Variants in PCDHGB2 observed in about 807,000 individuals in gnomAD.
PCDHGB2 encodes the protein protocadherin gamma-B2.
Under a neutral mutation model 59.3 loss-of-function variants are expected in PCDHGB2, and 55 were observed. The ratio of observed to expected loss-of-function variants is 0.93; its 90% CI spans 0.75 to 1.16. PCDHGB2 has a LOEUF of 1.16. Ranked by LOEUF, PCDHGB2 falls within the 50% of genes most tolerant of loss-of-function variation. The pLI is 0.00. For synonymous variants in PCDHGB2, 516 were observed against 512.0 expected (o/e 1.01, Z -0.11); for missense variants, 1,228 against 1,198.5 (o/e 1.02, Z -0.36).
rs774993961 is a variant in PCDHGB2, at chr5:141,365,445, A to C, written c.2421+2889A>C. The stretch of plus-strand genomic sequence containing the variant: ...ACTGTAATCGCGCTGTTTAGCGTAC[A>C]TGATGGTGATTCTGGAGAAAATGGT... On this transcript the variant is annotated intron_variant, in intron 1 of 3. Transcript: ENST00000522605. 1 of 1,613,936 alleles carries C rather than the reference A, an allele frequency of 6.2e-7. No individual in the cohort carries two copies. The highest frequency in any genetic ancestry group is 8.5e-7 in the Non-Finnish European group (1 of 1,179,910).
In PCDHGB2 at chr5:141,506,176, C is replaced by T. The variant is rs183157987; in HGVS notation, c.2569+695C>T. ...CCTTAAGAGCACAGCCTAAGCTGGG[C>T]GTGGTGGCTCACGCCTGTAATCCCA... is the stretch of plus-strand genomic sequence containing the variant. On this transcript the variant is annotated intron_variant, in intron 3 of 3. Coordinates refer to ENST00000522605, the MANE Select transcript of PCDHGB2 (RefSeq NM_018923.3). Among the ~76,000 whole-genome samples the T allele has an allele frequency of 3.0e-3, 454 of 152,234 alleles. 1 individual carries two copies. The highest frequency in any genetic ancestry group is 0.021 in the Admixed American group (317 of 15,296).
intron 1 of PCDHGB2, chr5:141,440,448 A>G (rs2098178859): frequency 6.6e-6 from 1 of 152,168 alleles, no homozygotes; most frequent in East Asian, 1.9e-4. Context: ...CGCCATCTCA[A>G]AAAAAATGAA....
intron 1 of PCDHGB2, among the ~76,000 whole-genome samples, chr5:141,442,910 C>G (rs1419319938): frequency 6.6e-6 from 1 of 152,196 alleles, no homozygotes; most frequent in African/African-American, 2.4e-5. Flanking sequence ...TCCTTCAGCA[C>G]ACAACTGTTT....
At chr5:141,394,407 G>A in intron 1 of PCDHGB2, 1 of 1,614,240 alleles carries the variant, frequency 6.2e-7, no homozygotes, top group Admixed American at 1.7e-5. Context: ...GCAGCTACTG[G>A]TAACAGCCAG....
At chr5:141,415,304 C>T (rs1468756434) in intron 1 of PCDHGB2, 2 of 1,614,188 alleles carry the variant, frequency 1.2e-6, no homozygotes, top group Non-Finnish European at 8.5e-7. Context: ...GTCTTCCTGG[C>T]CTTCGTCATC....
chr5:141,404,501 C>T, intron 1 of PCDHGB2: 2 of 1,613,792 alleles, frequency 1.2e-6, no homozygotes, highest in Non-Finnish European at 1.7e-6. Context: ...GCTGTATGCT[C>T]TGTGCTCCTT....
chr5:141,448,449 T>A (rs528049717), intron 1 of PCDHGB2, among the ~76,000 whole-genome samples: 1 of 152,166 alleles, frequency 6.6e-6, no homozygotes, highest in Non-Finnish European at 1.5e-5. Context: ...CTGACTTCCA[T>A]CCCTATCCTA....
chr5:141,511,028 T>C lies in PCDHGB2; in HGVS notation c.2651T>C (p.Leu884Pro). ...GCCCGCTACGGACCCCAGTTCACCC[T>C]GCAGCACGTGCCCGACTACCGCCAG... ...LSARYGPQFTLQHVPDYRQNV... is the reference protein window; with the variant it reads ...LSARYGPQFTPQHVPDYRQNV... The change falls in exon 4 of 4, where the codon CTG becomes CCG. Residue 884 changes from leucine (L) to proline (P), a missense_variant. Leu to Pro is a moderately conservative substitution (Grantham distance 98, BLOSUM62 -3). Around this residue, in one of 3 missense-constraint regions of PCDHGB2, gnomAD observed 433 missense variants for 441.8 expected, o/e 0.98. Transcript: ENST00000522605. 1 of 1,614,202 alleles carries C rather than the reference T, an allele frequency of 6.2e-7. No homozygotes were observed. Among genetic ancestry groups the C allele is most frequent in the Non-Finnish European group, 8.5e-7 (1 of 1,180,028 alleles).
At chr5:141,376,522 G>T in intron 1 of PCDHGB2, 1 of 1,613,784 alleles carries the variant, frequency 6.2e-7, no homozygotes, top group Non-Finnish European at 8.5e-7. Context: ...GTTTCTTTCC[G>T]CCTAAGCGGG....
intron 1 of PCDHGB2, chr5:141,424,789 A>T (rs538504226): frequency 2.0e-5 from 3 of 152,238 alleles, no homozygotes; most frequent in African/African-American, 7.2e-5. Flanking sequence ...CAGTTCTTTT[A>T]TTCAGACCAA....
At chr5:141,503,836 A>G (rs1260399957) in intron 2 of PCDHGB2, among the ~76,000 whole-genome samples, 4 of 152,142 alleles carry the variant, frequency 2.6e-5, no homozygotes, top group Admixed American at 6.5e-5. Flanking sequence ...AAAAGCAGGG[A>G]CAGACCTTGG....
chr5:141,462,423 G>A (rs1367388191), intron 1 of PCDHGB2, among the ~76,000 whole-genome samples: 1 of 151,820 alleles, frequency 6.6e-6, no homozygotes, highest in East Asian at 1.9e-4. Context: ...GTCTATCTTG[G>A]TGAGTGTTGC....
At chr5:141,380,748 C>A (rs1776705964) in intron 1 of PCDHGB2, among the ~76,000 whole-genome samples, 1 of 151,948 alleles carries the variant, frequency 6.6e-6, no homozygotes, top group African/African-American at 2.4e-5. Flanking sequence ...AAGAAGGTAC[C>A]AAGACACTAT....
intron 1 of PCDHGB2, chr5:141,372,016 CGCTCAGCGCCAACGTGA>C (rs1768310600): frequency 6.2e-7 from 1 of 1,613,256 alleles, no homozygotes; most frequent in Non-Finnish European, 8.5e-7. Flanking sequence ...GGCTCGCCTA[CGCTCAGCGCCAACGTGA>C]GCCTGCGCGT....
At chr5:141,395,358 G>C in intron 1 of PCDHGB2, 1 of 1,346,158 alleles carries the variant, frequency 7.4e-7, no homozygotes, top group Non-Finnish European at 9.9e-7. Flanking sequence ...ACAGAGTTTT[G>C]GGTTTATTTT....
chr5:141,392,757 AAT>A, intron 1 of PCDHGB2: 1 of 1,471,072 alleles, frequency 6.8e-7, no homozygotes, highest in African/African-American at 1.4e-5. Flanking sequence ...CAAGAAACTA[AAT>A]AAGACCCATT....
chr5:141,365,319 G>T (rs745669256), intron 1 of PCDHGB2: 2 of 1,613,982 alleles, frequency 1.2e-6, no homozygotes, highest in South Asian at 2.2e-5. Context: ...CTTGTTGCCA[G>T]CGCTAAGGTG....
At chr5:141,462,459 C>T (rs190781980) in intron 1 of PCDHGB2, among the ~76,000 whole-genome samples, 11 of 152,128 alleles carry the variant, frequency 7.2e-5, no homozygotes, top group Admixed American at 2.6e-4. Flanking sequence ...TAACTGAAAA[C>T]TGTGTATTCT....
At chr5:141,408,971 C>G (rs763728764) in intron 1 of PCDHGB2, 4 of 1,613,698 alleles carry the variant, frequency 2.5e-6, no homozygotes, top group Non-Finnish European at 3.4e-6. Flanking sequence ...AAATCTGCCC[C>G]CTGGGTCCCC....
Sources: allele counts gnomAD v4.1 joint callset (sites outside exome capture counted in the v4.1 genomes callset), GRCh38; gene constraint gnomAD v4.1.1; regional missense constraint gnomAD v4.1.1; transcripts MANE v1.5; gene names NCBI Gene and HGNC (gene_info 2026-07-23, HGNC 2026-07-21).